WDR48: variants seen among roughly 807,000 people sequenced by gnomAD.
WDR48 encodes the protein WD repeat-containing protein 48.
A neutral mutation model predicts 94.0 loss-of-function variants in WDR48; 22 were observed. The ratio of observed to expected loss-of-function variants is 0.23; its 90% CI spans 0.17 to 0.33. The LOEUF is 0.33. WDR48 is among the 10% of genes least tolerant of loss of function. The pLI is 1.00. For missense variants in WDR48, 541 were observed against 813.8 expected, an observed-to-expected ratio of 0.66 and a Z score of 4.08; for synonymous variants, 278 against 280.5, an observed-to-expected ratio of 0.99 and a Z score of 0.09.
intron 18 of WDR48, 88 bp downstream of exon 18, chr3:39,094,154 T>G (rs2035223405): frequency 2.6e-6 from 4 of 1,513,926 alleles, no homozygotes; most frequent in Non-Finnish European, 3.5e-6. Flanking sequence ...GGCTTCTACT[T>G]TTAGAGGGGC....
chr3:39,068,718 T>G (rs1347023019), intron 5 of WDR48, 53 bp from the exon 6 acceptor site: 5 of 1,397,994 alleles, frequency 3.6e-6, no homozygotes, highest in Non-Finnish European at 5.0e-6. Flanking sequence ...TGCTGACTAG[T>G]TACTAAACAG....
rs2034889975 is a variant in WDR48, at chr3:39,087,836, T to C, written c.1475-292T>C. The C allele has an allele frequency of 1.3e-5, 4 of 314,136 alleles. No individual in the cohort carries two copies. In the East Asian group the frequency reaches 2.8e-4, roughly 22 times the overall value. The allele number at this position is 314,136 out of a possible 1,614,324, so 19.5% of individuals were successfully genotyped here. A position where few individuals can be genotyped will look rare whatever the true frequency, so the allele number is the denominator to read the frequency against. ...CGTTTATATACAGGCTGTCCTAGAC[T>C]TCCTTGTGGCTGAAGTAGCTGGTTA... is the stretch of plus-strand genomic sequence containing the variant. On this transcript the variant is annotated intron_variant, in intron 14 of 18. Transcript: ENST00000302313.
intron 1 of WDR48, among the ~76,000 whole-genome samples, chr3:39,061,720 T>C (rs987286230): frequency 4.6e-5 from 7 of 152,174 alleles, no homozygotes; most frequent in African/African-American, 1.7e-4. Context: ...CCACCAACAG[T>C]GTAAAAGCAT....
chr3:39,066,994 T>G (rs1217656667), intron 5 of WDR48, 119 bp downstream of exon 5: 1 of 1,234,024 alleles, frequency 8.1e-7, no homozygotes, highest in Non-Finnish European at 1.1e-6. Flanking sequence ...TTGAGAGTGC[T>G]TCTACCTACA....
At chr3:39,072,408 T>C (rs2033991261) in intron 7 of WDR48, among the ~76,000 whole-genome samples, 1 of 152,224 alleles carries the variant, frequency 6.6e-6, no homozygotes, top group Non-Finnish European at 1.5e-5. Flanking sequence ...TGATCCTAGC[T>C]TATGGGTCTG....
chr3:39,088,200 TC>T lies in WDR48; in HGVS notation c.1548del (p.Phe517LeufsTer34). The T allele has an allele frequency of 6.2e-7, 1 of 1,614,188 alleles. No individual in the cohort carries two copies. The highest frequency in any genetic ancestry group is 1.3e-5 in the African/African-American group (1 of 75,028). On this transcript the variant is annotated frameshift_variant, in exon 15 of 19. Transcript: ENST00000302313. LOFTEE classifies it high-confidence loss of function. ...CAAGTGCCCCCACATACACCCGTGA[TC>T]TTTGGTGAAGCTGGAGGTCGCACAC... The part of the protein sequence containing the change: ...YFQVPPHTPV[I>X]FGEAGGRTLF...
At position 39,066,754 on chromosome 3, in the gene WDR48, A is replaced by G; in HGVS notation, c.360A>G (p.Val120=). Reference sequence around the variant, plus strand: ...TGTCTGTTCTATTACAGGATTACGTAAAGGCCTTAGCATATGCCAAGGATA... The same window carrying G: ...TGTCTGTTCTATTACAGGATTACGTGAAGGCCTTAGCATATGCCAAGGATA... ...MSTLRTHKDY[V]KALAYAKDKE... The change falls in exon 5 of 19, where the codon GTA becomes GTG. Residue 120 remains valine (V), a synonymous_variant. Coordinates refer to ENST00000302313, the MANE Select transcript of WDR48 (RefSeq NM_020839.4). The G allele has an allele frequency of 1.2e-6, 2 of 1,614,014 alleles. No individual in the cohort carries two copies. Among genetic ancestry groups the G allele is most frequent in the Non-Finnish European group, 1.7e-6 (2 of 1,179,936 alleles).
intron 2 of WDR48, 54 bp from the exon 3 acceptor site, chr3:39,065,757 G>C: frequency 7.6e-7 from 1 of 1,315,296 alleles, no homozygotes; most frequent in Non-Finnish European, 1.1e-6. Context: ...TCTATCATTT[G>C]TAATATATTT....
At chr3:39,052,402 C>T (rs953976366) in intron 1 of WDR48, 18 of 285,124 alleles carry the variant, frequency 6.3e-5, no homozygotes, top group African/African-American at 2.3e-4. Flanking sequence ...CTTGCCCTGT[C>T]TTTCTTCGAA....
intron 7 of WDR48, among the ~76,000 whole-genome samples, chr3:39,070,203 G>A (rs950343414): frequency 5.3e-5 from 8 of 152,024 alleles, no homozygotes; most frequent in Admixed American, 3.3e-4. Context: ...AAAACATTTT[G>A]GTAATGTTAT....
At chr3:39,077,098 T>C in intron 8 of WDR48, 41 bp from the exon 9 acceptor site, 1 of 1,610,154 alleles carries the variant, frequency 6.2e-7, no homozygotes, top group Non-Finnish European at 8.5e-7. Context: ...TTCAGAAGAG[T>C]TGACATTCCA....
rs1464936131 is a variant in WDR48 at position 39,063,173 on chromosome 3, A to C, written c.172A>C (p.Ser58Arg). The C allele has an allele frequency of 6.2e-7, 1 of 1,614,098 alleles. No individual in the cohort carries two copies. Among genetic ancestry groups the C allele is most frequent in the Non-Finnish European group, 8.5e-7 (1 of 1,179,976 alleles). ...TCGAGACTCTATCATAAGAATATGG[A>C]GTGTCAATCAGCACAAGGTAATGCA... The part of the protein sequence containing the change: ...AGRDSIIRIW[S>R]VNQHKQDPYI... The change falls in exon 2 of 19, where the codon AGT becomes CGT. Residue 58 changes from serine to arginine, a missense_variant. Around this residue, in one of 5 missense-constraint regions of WDR48, gnomAD observed 90 missense variants for 122.3 expected, o/e 0.74. Transcript: ENST00000302313.
At chr3:39,082,036 A>G (rs2034562015) in intron 11 of WDR48, among the ~76,000 whole-genome samples, 1 of 152,240 alleles carries the variant, frequency 6.6e-6, no homozygotes, top group Non-Finnish European at 1.5e-5. Context: ...GCTGTGCCAA[A>G]TACTCGCCAA....
rs756698326 is a variant in WDR48 at position 39,069,627 on chromosome 3, CTA to C, written c.571-14_571-13del. Reference sequence around the variant, plus strand: ...TGATATATTTAGTTTGTGTAATACTCTATTAAAATTCACAGGTGTTACGGGTA... The same window carrying C: ...TGATATATTTAGTTTGTGTAATACTCTTAAAATTCACAGGTGTTACGGGTA... On this transcript the variant is annotated splice_polypyrimidine_tract_variant and intron_variant, in intron 6 of 18. Coordinates refer to ENST00000302313, the MANE Select transcript of WDR48 (RefSeq NM_020839.4). The C allele has an allele frequency of 3.8e-6, 6 of 1,591,826 alleles. No individual in the cohort carries two copies. The highest frequency in any genetic ancestry group is 5.2e-6 in the Non-Finnish European group (6 of 1,163,564).
intron 7 of WDR48, among the ~76,000 whole-genome samples, chr3:39,070,809 A>G (rs1465456034): frequency 2.6e-5 from 4 of 151,650 alleles, no homozygotes; most frequent in African/African-American, 9.7e-5. Context: ...GTCATCTAGC[A>G]TTAGGTATAT....
intron 1 of WDR48, among the ~76,000 whole-genome samples, chr3:39,053,861 G>A (rs1235692854): frequency 6.6e-6 from 1 of 152,234 alleles, no homozygotes; most frequent in Non-Finnish European, 1.5e-5. Context: ...AGTGCACGTA[G>A]AATGAGGCAG....
In WDR48 at chr3:39,052,281, C is replaced by T. The variant is rs564720416; in HGVS notation, c.48+208C>T. 664 of 580,674 alleles carry T rather than the reference C, an allele frequency of 1.1e-3. 5 individuals are homozygous for T. The African/African-American group carries it at 0.012, about 11-fold the overall frequency. The allele number at this position is 580,674 out of a possible 1,614,324, so 36.0% of individuals were successfully genotyped here. ...CTTGCTTGGCCCTTGGGGCCCAGGC[C>T]CGGGACCCTCGTGGGCGGCATTCTG... On this transcript the variant is annotated intron_variant, in intron 1 of 18. Coordinates refer to ENST00000302313, the MANE Select transcript of WDR48 (RefSeq NM_020839.4).
At position 39,053,446 on chromosome 3, in the gene WDR48, A is replaced by G. The variant is rs574105387; in HGVS notation, c.48+1373A>G. 3.9e-5 allele frequency among the ~76,000 whole-genome samples: 6 copies of G among 152,370 alleles called. No homozygotes were observed. In the South Asian group the frequency reaches 1.0e-3, roughly 26 times the overall value. On this transcript the variant is annotated intron_variant, in intron 1 of 18. Coordinates refer to ENST00000302313, the MANE Select transcript of WDR48 (RefSeq NM_020839.4). ...ATGTTTGTTGAAATGAGTGAAATTAATAAGTCTAAACTCACCCTATTAGGT... is the reference window on the plus strand; with the variant it reads ...ATGTTTGTTGAAATGAGTGAAATTAGTAAGTCTAAACTCACCCTATTAGGT...
In WDR48 at chr3:39,077,206, A is replaced by G. The variant is rs764583447; in HGVS notation, c.965A>G (p.Asn322Ser). Residue 322 changes from asparagine to serine, a missense_variant, in exon 9 of 19, where the codon AAT becomes AGT. Physicochemically the swap from Asn to Ser is conservative, Grantham distance 46 (BLOSUM62 1). Transcript: ENST00000302313. ...GTTGCAACAACTAAGTCTACAGTAA[A>G]TAAATGGGTAAGTGAGCTATTAACC... ...IWVATTKSTV[N>S]KWTLKGIHNF... 22 of 1,614,046 alleles carry G rather than the reference A, an allele frequency of 1.4e-5. No homozygotes were observed. In the African/African-American group the frequency reaches 2.5e-4, roughly 19 times the overall value.
Sources: allele counts gnomAD v4.1 joint callset (sites outside exome capture counted in the v4.1 genomes callset), GRCh38; gene constraint gnomAD v4.1.1; regional missense constraint gnomAD v4.1.1; transcripts MANE v1.5; gene names NCBI Gene and HGNC (gene_info 2026-07-23, HGNC 2026-07-21).